PKD2: variants seen among roughly 807,000 people sequenced by gnomAD.
PKD2 encodes polycystin-2.
A neutral mutation model predicts 105.9 loss-of-function variants in PKD2; 48 were observed. That is an observed-to-expected ratio of 0.45 (90% CI 0.36 to 0.58). PKD2 has a LOEUF of 0.58. PKD2 is among the 20% of genes least tolerant of loss of function. The pLI, the probability that PKD2 is intolerant of heterozygous loss-of-function variation, is 0.00. For synonymous variants in PKD2, 464 were observed against 481.1 expected, an observed-to-expected ratio of 0.96 and a Z score of 0.46; for missense variants, 1,078 against 1,255.3, an observed-to-expected ratio of 0.86 and a Z score of 2.13.
chr4:88,071,546 TTTTTGTTGTTTTG>T (rs1201669859), intron 13 of PKD2, among the ~76,000 whole-genome samples: 3 of 152,156 alleles, frequency 2.0e-5, no homozygotes, highest in Non-Finnish European at 4.4e-5. Context: ...TTTGTTTTGT[TTTTTGTTGTTTTG>T]TTTTGTTGTT....
intron 12 of PKD2, 113 bp downstream of exon 12, chr4:88,065,992 T>C: frequency 1.7e-6 from 1 of 583,846 alleles, no homozygotes; most frequent in South Asian, 1.8e-5. Context: ...CCCACCACAC[T>C]CTCTCTCTCT....
chr4:88,019,329 T>TAA (rs200521275), intron 1 of PKD2, 129 bp from the exon 2 acceptor site: 229 of 546,298 alleles, frequency 4.2e-4, no homozygotes, highest in South Asian at 5.8e-4. Flanking sequence ...AAAATGTGAT[T>TAA]AAAAAAAAAA....
intron 4 of PKD2, among the ~76,000 whole-genome samples, chr4:88,040,950 C>T (rs2110109868): frequency 6.6e-6 from 1 of 152,208 alleles, no homozygotes; most frequent in South Asian, 2.1e-4. Flanking sequence ...GCTAGAAGTC[C>T]CCCCTCTTCT....
intron 1 of PKD2, among the ~76,000 whole-genome samples, chr4:88,015,968 G>C (rs889197500): frequency 2.6e-5 from 4 of 152,180 alleles, no homozygotes; most frequent in African/African-American, 9.6e-5. Flanking sequence ...GGGGTAGGAA[G>C]TGTTTGGGGA....
At position 88,007,861 on chromosome 4, in the gene PKD2, C is replaced by G; in HGVS notation, c.128C>G (p.Pro43Arg). Residue 43 changes from proline to arginine, a missense_variant, in exon 1 of 15, where the codon CCG becomes CGG. Physicochemically the swap from Pro to Arg is moderately radical, Grantham distance 103 (BLOSUM62 -2). This residue lies in a region of PKD2 where 210 missense variants were observed against 187.9 expected (regional missense o/e 1.12). Transcript: ENST00000237596. The stretch of plus-strand genomic sequence containing the variant: ...GCCGTGGGCGCCAGCCTCGCCGCCC[C>G]GGGCGGCCTCTGCGAGCAGCGGGGC... ...CAAVGASLAA[P>R]GGLCEQRGLE... 8.1e-7 allele frequency: 1 copy of G among 1,236,714 alleles called. No individual in the cohort carries two copies. The highest frequency in any genetic ancestry group is 1.0e-6 in the Non-Finnish European group (1 of 990,904). The allele number at this position is 1,236,714 out of a possible 1,614,324, so 76.6% of individuals were successfully genotyped here. A position where few individuals can be genotyped will look rare whatever the true frequency, so the allele number is the denominator to read the frequency against.
chr4:88,043,662 G>A (rs905419417), intron 5 of PKD2, among the ~76,000 whole-genome samples: 5 of 152,136 alleles, frequency 3.3e-5, no homozygotes, highest in African/African-American at 7.2e-5. Context: ...AGAATATTAC[G>A]AGTTGGAAAG....
At chr4:88,073,359 T>C (rs1423957983) in intron 13 of PKD2, among the ~76,000 whole-genome samples, 1 of 151,406 alleles carries the variant, frequency 6.6e-6, no homozygotes, top group Non-Finnish European at 1.5e-5. Context: ...ACCCCATCTC[T>C]ACTAAAAAAT....
chr4:88,064,561 A>G (rs991079631), intron 10 of PKD2, among the ~76,000 whole-genome samples: 2 of 152,148 alleles, frequency 1.3e-5, no homozygotes, highest in African/African-American at 4.8e-5. Context: ...ACAGTGCCGC[A>G]CTATGTGCAA....
At chr4:88,019,407 G>C (rs1726671386) in intron 1 of PKD2, 51 bp from the exon 2 acceptor site, 1 of 950,012 alleles carries the variant, frequency 1.1e-6, no homozygotes, top group Non-Finnish European at 1.7e-6. Context: ...CCATTCATGA[G>C]ATTTCTTAAA....
At chr4:88,030,396 C>T (rs978542429) in intron 2 of PKD2, among the ~76,000 whole-genome samples, 4 of 152,322 alleles carry the variant, frequency 2.6e-5, no homozygotes, top group Non-Finnish European at 5.9e-5. Context: ...AACATCTTCC[C>T]AAAGTGCTGG....
chr4:88,058,946 A>C (rs1277910242), intron 9 of PKD2, among the ~76,000 whole-genome samples: 2 of 152,172 alleles, frequency 1.3e-5, no homozygotes, highest in Admixed American at 1.3e-4. Context: ...CAGTCATCTT[A>C]AGAACAATTT....
At chr4:88,016,152 G>A (rs1364582450) in intron 1 of PKD2, among the ~76,000 whole-genome samples, 1 of 152,170 alleles carries the variant, frequency 6.6e-6, no homozygotes, top group Admixed American at 6.5e-5. Context: ...CTTGCCTGCG[G>A]CTCACCTCCT....
At chr4:88,029,943 G>A (rs1395791472) in intron 2 of PKD2, among the ~76,000 whole-genome samples, 2 of 152,158 alleles carry the variant, frequency 1.3e-5, no homozygotes, top group African/African-American at 4.8e-5. Flanking sequence ...GGCCAGACCT[G>A]TAGTTTTGGT....
chr4:88,065,883 G>T lies in PKD2; in HGVS notation c.2358+4G>T, dbSNP rs1029184825. ...AGACGACTTGGAGAAAGAGAGGGTG[G>T]GTCTGGTTTAGGAGAACCGGATTTG... On this transcript the variant is annotated splice_donor_region_variant and intron_variant, in intron 12 of 14. Coordinates refer to ENST00000237596, the MANE Select transcript of PKD2 (RefSeq NM_000297.4). The T allele has an allele frequency of 1.3e-6, 2 of 1,561,672 alleles. No individual in the cohort carries two copies. Among genetic ancestry groups the T allele is most frequent in the African/African-American group, 2.7e-5 (2 of 73,952 alleles).
chr4:88,026,424 C>T (rs1403321475), intron 2 of PKD2, among the ~76,000 whole-genome samples: 1 of 152,166 alleles, frequency 6.6e-6, no homozygotes, highest in Non-Finnish European at 1.5e-5. Flanking sequence ...AGCACCAAAG[C>T]ATTCGAGAGG....
chr4:88,061,868 C>T, intron 9 of PKD2, 38 bp from the exon 10 acceptor site: 1 of 954,726 alleles, frequency 1.0e-6, no homozygotes, highest in Non-Finnish European at 1.7e-6. Context: ...AATTATGTTT[C>T]TTCCTTTAAT....
chr4:88,075,605 C>T lies in PKD2; in HGVS notation c.2818C>T (p.Arg940Cys), dbSNP rs934020725. Reference sequence around the variant, plus strand: ...GCCAGTGGGACTAAATGGTCAACCTCGCCCCAGAAGCTCCCGCCCATCTTC... The same window carrying T: ...GCCAGTGGGACTAAATGGTCAACCTTGCCCCAGAAGCTCCCGCCCATCTTC... The part of the protein sequence containing the change: ...GTPVGLNGQP[R>C]PRSSRPSSSQ... The change falls in exon 15 of 15, where the codon CGC becomes TGC. Residue 940 changes from arginine to cysteine, a missense_variant. Physicochemically the swap from Arg to Cys is radical, Grantham distance 180 (BLOSUM62 -3). Around this residue, in one of 2 missense-constraint regions of PKD2, gnomAD observed 868 missense variants for 1,067.3 expected, o/e 0.81. Transcript: ENST00000237596. 5.6e-6 allele frequency: 9 copies of T among 1,614,036 alleles called. No homozygotes were observed. Among genetic ancestry groups the T allele is most frequent in the South Asian group, 5.5e-5 (5 of 91,084 alleles).
chr4:88,042,077 ACTT>A (rs1294766388), intron 4 of PKD2, among the ~76,000 whole-genome samples: 2 of 152,246 alleles, frequency 1.3e-5, no homozygotes, highest in Middle Eastern at 3.4e-3. Context: ...AAACTGAACT[ACTT>A]CTTCTCTTGA....
Position 88,019,277 on chromosome 4 carries a change from A to G in PKD2, c.596-181A>G, listed in dbSNP as rs113700104. On this transcript the variant is annotated intron_variant, in intron 1 of 14. Transcript: ENST00000237596. ...AACATTGGAGCCAGATGTACTCTTA[A>G]ATAAAAGGTAGGCCTACAAAACCAG... Among the ~76,000 whole-genome samples, 903 of 152,176 alleles carry G rather than the reference A, an allele frequency of 5.9e-3. 13 individuals carry two copies. The highest frequency in any genetic ancestry group is 0.02 in the African/African-American group (847 of 41,496).
Sources: gnomAD v4.1 joint callset for allele counts (sites outside exome capture counted in the v4.1 genomes callset) on GRCh38, gnomAD v4.1.1 for gene constraint, gnomAD v4.1.1 regional missense constraint, MANE v1.5 for transcripts, NCBI Gene and HGNC (gene_info 2026-07-23, HGNC 2026-07-21) for gene names.